The following PRKAR1B variants were observed in gnomAD, a reference collection of about 807,000 sequenced individuals.
PRKAR1B encodes protein kinase cAMP-dependent type I regulatory subunit beta, also known as cAMP-dependent protein kinase type I-beta regulatory subunit.
PRKAR1B carries 22 observed loss-of-function variants against 46.5 expected under a neutral mutation model. That is an observed-to-expected ratio of 0.47 (90% confidence interval 0.34 to 0.68). The LOEUF (loss-of-function observed/expected upper bound fraction) is 0.68, where lower values mean the gene tolerates loss of function less well. Ranked by LOEUF, PRKAR1B falls within the 30% of genes least tolerant of loss-of-function variation. PRKAR1B has a pLI of 0.01. For synonymous variants in PRKAR1B, 259 were observed against 217.7 expected (o/e 1.19, Z -1.67); for missense variants, 445 against 535.6 (o/e 0.83, Z 1.67).
At chr7:701,331 A>G (rs1780059145) in intron 2 of PRKAR1B, among the ~76,000 whole-genome samples, 1 of 149,276 alleles carries the variant, frequency 6.7e-6, no homozygotes, top group South Asian at 2.1e-4. Flanking sequence ...GAAAGAGAAG[A>G]AAAGAAAAGA....
In PRKAR1B at chr7:667,141, T is replaced by C. The variant is rs1251128154; in HGVS notation, c.440+10088A>G. On this transcript the variant is annotated intron_variant, in intron 4 of 10. Coordinates refer to ENST00000537384, the MANE Select transcript of PRKAR1B (RefSeq NM_001164760.2). The surrounding 1 kb of genome is among the most constrained non-coding windows in gnomAD (Gnocchi z 4.3). ...GCAATGGTGGTGATGAGGATGGTGG[T>C]GGTGATGGTGATGATAATGATGGTG... Among the ~76,000 whole-genome samples the C allele has an allele frequency of 7.2e-6, 1 of 138,288 alleles. No individual in the cohort carries two copies. The highest frequency in any genetic ancestry group is 2.9e-5 in the African/African-American group (1 of 34,480). The allele number at this position is 138,288 out of a possible 152,430, so 90.7% of individuals were successfully genotyped here. A position where few individuals can be genotyped will look rare whatever the true frequency, so the allele number is the denominator to read the frequency against.
At chr7:585,126 C>A (rs868348089) in intron 7 of PRKAR1B, among the ~76,000 whole-genome samples, 12 of 152,124 alleles carry the variant, frequency 7.9e-5, no homozygotes, top group Non-Finnish European at 1.5e-5. Flanking sequence ...GCCCTGTCAG[C>A]GTTATGTGAA....
chr7:671,668 A>G (rs1786263432), intron 4 of PRKAR1B, among the ~76,000 whole-genome samples: 1 of 151,950 alleles, frequency 6.6e-6, no homozygotes, highest in Non-Finnish European at 1.5e-5. Context: ...CCAGGTTAAG[A>G]CACATATTTG....
intron 4 of PRKAR1B, among the ~76,000 whole-genome samples, chr7:622,170 A>G (rs532492639): frequency 3.3e-5 from 5 of 152,372 alleles, no homozygotes; most frequent in Admixed American, 6.5e-5. Flanking sequence ...AGGTTCAGCC[A>G]GTTCTCAGAG....
At chr7:651,366 G>A (rs184983931) in intron 4 of PRKAR1B, among the ~76,000 whole-genome samples, 9 of 152,302 alleles carry the variant, frequency 5.9e-5, no homozygotes, top group Middle Eastern at 3.4e-3. Context: ...CATGTTCCTC[G>A]GAAAGGACCC....
intron 4 of PRKAR1B, among the ~76,000 whole-genome samples, chr7:610,361 G>A (rs866556506): frequency 1.2e-4 from 19 of 152,276 alleles, no homozygotes; most frequent in Non-Finnish European, 2.2e-4. Context: ...GTGCCTGGGC[G>A]TGGCCCCGCT....
chr7:698,909 C>T (rs970165163), intron 2 of PRKAR1B, among the ~76,000 whole-genome samples: 3 of 152,212 alleles, frequency 2.0e-5, no homozygotes, highest in South Asian at 2.1e-4. Flanking sequence ...CCTCTCCCCA[C>T]GCAGCAGCAG....
Position 616,658 on chromosome 7 carries a change from G to A in PRKAR1B, c.441-9206C>T, listed in dbSNP as rs1020426619. Among the ~76,000 whole-genome samples, 7 of 152,334 alleles carry A rather than the reference G, an allele frequency of 4.6e-5. No homozygotes were observed. In the East Asian group the frequency reaches 1.2e-3, roughly 25 times the overall value. On this transcript the variant is annotated intron_variant, in intron 4 of 10. Coordinates refer to ENST00000537384, the MANE Select transcript of PRKAR1B (RefSeq NM_001164760.2). The stretch of plus-strand genomic sequence containing the variant: ...CACGCACCGCTTTGGCTGAGGGTCC[G>A]TCGGCCTCCCTCCCTGCTGACGGCT...
chr7:575,951 G>C (rs937080658), intron 9 of PRKAR1B, among the ~76,000 whole-genome samples: 1 of 152,170 alleles, frequency 6.6e-6, no homozygotes, highest in Non-Finnish European at 1.5e-5. Flanking sequence ...CATGACGCTG[G>C]CATCCTCTCC....
rs186008442 is a variant in PRKAR1B, at chr7:646,323, C to T, written c.440+30906G>A. ...TCTCCCAAAGTGCTGGGATTACAGG[C>T]GTGAGCCACCGCGCCTGGCCTGAGT... On this transcript the variant is annotated intron_variant, in intron 4 of 10. Transcript: ENST00000537384. 4.6e-4 allele frequency among the ~76,000 whole-genome samples: 70 copies of T among 152,352 alleles called. No homozygotes were observed. In the East Asian group the frequency reaches 0.013, roughly 29 times the overall value.
intron 2 of PRKAR1B, among the ~76,000 whole-genome samples, chr7:686,529 A>G (rs1779106796): frequency 6.6e-6 from 1 of 152,146 alleles, no homozygotes. Flanking sequence ...ACTCTGACCC[A>G]AGCCAGCATT....
intron 2 of PRKAR1B, among the ~76,000 whole-genome samples, chr7:681,313 CCT>C (rs1778671049): frequency 6.8e-6 from 1 of 147,126 alleles, no homozygotes; most frequent in African/African-American, 2.5e-5. Context: ...ACTAATACAC[CCT>C]GTCTCTATAA....
chr7:677,081 G>C, intron 4 of PRKAR1B, 148 bp downstream of exon 4: 1 of 762,598 alleles, frequency 1.3e-6, no homozygotes, highest in East Asian at 2.5e-5. Flanking sequence ...GAAGGCAGCT[G>C]TGATTCCCAG....
chr7:693,238 CTTTT>C (rs111739617), intron 2 of PRKAR1B, among the ~76,000 whole-genome samples: 1 of 138,482 alleles, frequency 7.2e-6, no homozygotes, highest in African/African-American at 2.7e-5. Flanking sequence ...TCCTGTCGAG[CTTTT>C]TTTTTTTTTT....
At position 667,242 on chromosome 7, in the gene PRKAR1B, A is replaced by G. The variant is rs991880779; in HGVS notation, c.440+9987T>C. On this transcript the variant is annotated intron_variant, in intron 4 of 10. Transcript: ENST00000537384. This position sits in a 1 kb window ranked among gnomAD's most constrained non-coding sequence, Gnocchi z 4.3. ...GATGACTATGATGGTGATGATAATG[A>G]TGGTGGTGATAACAGTACACACATA... 2.0e-5 allele frequency among the ~76,000 whole-genome samples: 3 copies of G among 152,200 alleles called. No individual in the cohort carries two copies. The highest frequency in any genetic ancestry group is 4.4e-5 in the Non-Finnish European group (3 of 68,034).
intron 2 of PRKAR1B, among the ~76,000 whole-genome samples, chr7:696,346 A>G (rs1208970933): frequency 6.6e-6 from 1 of 151,536 alleles, no homozygotes; most frequent in Admixed American, 6.6e-5. Context: ...ATCTTGGCTC[A>G]CTGCAGCCTC....
At chr7:599,628 G>A (rs913455359) in intron 6 of PRKAR1B, among the ~76,000 whole-genome samples, 10 of 152,228 alleles carry the variant, frequency 6.6e-5, no homozygotes, top group African/African-American at 1.9e-4. Flanking sequence ...GTCCCCCGCG[G>A]GGCAGCATTT....
intron 6 of PRKAR1B, among the ~76,000 whole-genome samples, chr7:599,699 C>T (rs747286489): frequency 1.3e-5 from 2 of 152,276 alleles, no homozygotes; most frequent in Non-Finnish European, 2.9e-5. Flanking sequence ...TGCCCTGCCC[C>T]CTGCCCACCT....
At chr7:635,869 T>C (rs1275276133) in intron 4 of PRKAR1B, among the ~76,000 whole-genome samples, 4 of 151,960 alleles carry the variant, frequency 2.6e-5, no homozygotes. Context: ...AGGCCTCAGT[T>C]TCCCCATCTG....
Sources: gnomAD v4.1 joint callset for allele counts (sites outside exome capture counted in the v4.1 genomes callset) on GRCh38, gnomAD v4.1.1 for gene constraint, Gnocchi (gnomAD v3.1) non-coding constraint, MANE v1.5 for transcripts, NCBI Gene and HGNC (gene_info 2026-07-23, HGNC 2026-07-21) for gene names.